The following LAMA3 variants were observed in gnomAD, a reference collection of about 807,000 sequenced individuals.
The protein encoded by LAMA3 is laminin subunit alpha 3, also known as laminin subunit alpha-3.
LAMA3 carries 281 observed loss-of-function variants against 402.0 expected under a neutral mutation model. The observed-to-expected ratio is 0.70, with a 90% confidence interval of 0.63 to 0.77. LAMA3 has a LOEUF of 0.77. Among genes scored for constraint, LAMA3 ranks in the 30% least tolerant of loss-of-function variants. The pLI, the probability that LAMA3 is intolerant of heterozygous loss-of-function variation, is 0.00. For synonymous variants in LAMA3, 1,431 were observed against 1,558.4 expected (o/e 0.92, Z 1.93); for missense variants, 3,840 against 4,215.5 (o/e 0.91, Z 2.47).
intron 72 of LAMA3, among the ~76,000 whole-genome samples, chr18:23,951,069 A>T (rs536340049): frequency 4.5e-4 from 69 of 152,360 alleles, no homozygotes; most frequent in African/African-American, 1.6e-3. Context: ...TTATTTATAA[A>T]CACACTTATT....
At chr18:23,928,805 T>A (rs370195587) in intron 64 of LAMA3, 40 bp downstream of exon 64, 1 of 1,582,058 alleles carries the variant, frequency 6.3e-7, no homozygotes, top group Admixed American at 1.7e-5. Flanking sequence ...GATTTAAACC[T>A]GACTCAAAGT....
At position 23,712,379 on chromosome 18, in the gene LAMA3, C is replaced by CAA. The variant is rs71163637; in HGVS notation, c.295-1524_295-1523dup. On this transcript the variant is annotated intron_variant, in intron 1 of 74. Transcript: ENST00000313654. ...GGGCAACAAGAGTAAAACTCCGTCT[C>CAA]AAAAAAAAAAAAAAAAAAGTTATTC... is the stretch of plus-strand genomic sequence containing the variant. Among the ~76,000 whole-genome samples, 37 of 103,676 alleles carry CAA rather than the reference C, an allele frequency of 3.6e-4. No individual in the cohort carries two copies. In the East Asian group the frequency reaches 5.7e-3, roughly 16 times the overall value. 68.0% of individuals were successfully genotyped at this position (103,676 alleles called of 152,430 possible). A position where few individuals can be genotyped will look rare whatever the true frequency, so the allele number is the denominator to read the frequency against.
intron 7 of LAMA3, among the ~76,000 whole-genome samples, chr18:23,760,823 T>C (rs2061952026): frequency 6.6e-6 from 1 of 152,210 alleles, no homozygotes; most frequent in African/African-American, 2.4e-5. Flanking sequence ...ACCAGCAGAT[T>C]CGGTGTCTGG....
intron 1 of LAMA3, 50 bp downstream of exon 1, chr18:23,690,027 C>G: frequency 7.6e-7 from 1 of 1,313,672 alleles, no homozygotes; most frequent in Non-Finnish European, 1.0e-6. Flanking sequence ...CCTTCCCGCG[C>G]CGGCCAGACA....
At chr18:23,832,228 G>A (rs1598880551) in intron 23 of LAMA3, among the ~76,000 whole-genome samples, 1 of 152,174 alleles carries the variant, frequency 6.6e-6, no homozygotes, top group African/African-American at 2.4e-5. Flanking sequence ...ATGACAGTCA[G>A]GCCCTTGTTT....
intron 38 of LAMA3, chr18:23,872,787 G>T: frequency 2.0e-6 from 1 of 510,412 alleles, no homozygotes; most frequent in Non-Finnish European, 3.6e-6. Flanking sequence ...CTGTGATTTA[G>T]GGCGTCTGCA....
Position 23,813,054 on chromosome 18 carries a change from C to T in LAMA3, c.1742-3C>T. ...AATTTAAAAATTTCTGAATCATATT[C>T]AGGTTCCAGCAGTGCTTGTGACCCA... On this transcript the variant is annotated splice_region_variant and splice_polypyrimidine_tract_variant and intron_variant, in intron 13 of 74. Transcript: ENST00000313654. 3 of 1,600,222 alleles carry T rather than the reference C, an allele frequency of 1.9e-6. No individual in the cohort carries two copies. Among genetic ancestry groups the T allele is most frequent in the Non-Finnish European group, 2.6e-6 (3 of 1,167,528 alleles).
At chr18:23,952,621 A>G (rs1260863159) in intron 73 of LAMA3, among the ~76,000 whole-genome samples, 1 of 152,234 alleles carries the variant, frequency 6.6e-6, no homozygotes, top group Non-Finnish European at 1.5e-5. Flanking sequence ...CAGTGTCTTC[A>G]TAGAAAGTAG....
In LAMA3 at chr18:23,905,971, C is replaced by T. The variant is rs2081236252; in HGVS notation, c.6718+347C>T. Among the ~76,000 whole-genome samples the T allele has an allele frequency of 3.3e-5, 5 of 152,134 alleles. No homozygotes were observed. The South Asian group carries it at 1.0e-3, about 32-fold the overall frequency. On this transcript the variant is annotated intron_variant, in intron 52 of 74. Coordinates refer to ENST00000313654, the MANE Select transcript of LAMA3 (RefSeq NM_198129.4). ...TTAGAGGCAAGGTCTTGCTATGTTTCCCAGGCTGGGCTCAAATTCCTGTCC... is the reference window on the plus strand; with the variant it reads ...TTAGAGGCAAGGTCTTGCTATGTTTTCCAGGCTGGGCTCAAATTCCTGTCC...
intron 65 of LAMA3, among the ~76,000 whole-genome samples, chr18:23,931,911 A>C (rs975631735): frequency 6.6e-6 from 1 of 152,282 alleles, no homozygotes; most frequent in Non-Finnish European, 1.5e-5. Context: ...CTTTCTGTAC[A>C]TGAGGCTCTC....
At position 23,907,560 on chromosome 18, in the gene LAMA3, A is replaced by C. The variant is rs768242240; in HGVS notation, c.6729A>C (p.Pro2243=). The change falls in exon 53 of 75, where the codon CCA becomes CCC. Residue 2243 remains proline, a synonymous_variant. Transcript: ENST00000313654. ...TTTATTTTATTTTAGAAGTCAGTCC[A>C]GCTCTCAACAACCTACAGCAAACCC... ...TQKKLKQEVS[P]ALNNLQQTLN... The C allele has an allele frequency of 6.2e-7, 1 of 1,611,926 alleles. No homozygotes were observed. The highest frequency in any genetic ancestry group is 1.1e-5 in the South Asian group (1 of 91,024).
intron 12 of LAMA3, among the ~76,000 whole-genome samples, chr18:23,802,871 C>T (rs1391281525): frequency 1.3e-5 from 2 of 152,108 alleles, no homozygotes; most frequent in Non-Finnish European, 2.9e-5. Context: ...TTGCCTCAGC[C>T]CCGCAAGGTA....
intron 68 of LAMA3, 133 bp downstream of exon 68, chr18:23,939,519 G>A: frequency 1.0e-6 from 1 of 967,546 alleles, no homozygotes. Context: ...TGTGCAAAGA[G>A]GTGCTGGCCT....
chr18:23,842,896 A>AC (rs892246962), intron 29 of LAMA3, 146 bp downstream of exon 29: 1 of 987,744 alleles, frequency 1.0e-6, no homozygotes, highest in South Asian at 1.4e-5. Context: ...GCTGTCTTTT[A>AC]CCCCCCAATA....
chr18:23,730,916 C>T (rs1391981138), intron 2 of LAMA3, among the ~76,000 whole-genome samples: 2 of 151,976 alleles, frequency 1.3e-5, no homozygotes, highest in African/African-American at 2.4e-5. Context: ...TGCAATTCTG[C>T]GGAAGACTCT....
intron 68 of LAMA3, 105 bp downstream of exon 68, chr18:23,939,491 A>T (rs1457386373): frequency 8.3e-7 from 1 of 1,209,108 alleles, no homozygotes; most frequent in Non-Finnish European, 1.2e-6. Flanking sequence ...TCTCTAATGA[A>T]GGTGGCACTA....
rs2081704829 is a variant in LAMA3, at chr18:23,918,170, T to G, written c.7923+1475T>G. Among the ~76,000 whole-genome samples the G allele has an allele frequency of 6.6e-6, 1 of 152,208 alleles. No homozygotes were observed. Among genetic ancestry groups the G allele is most frequent in the Non-Finnish European group, 1.5e-5 (1 of 68,048 alleles). ...GGAGTCCTTTCCCCATTGCTTGTTT[T>G]TGTTGACTTTGTCGAAGATCAGATG... On this transcript the variant is annotated intron_variant, in intron 60 of 74. Transcript: ENST00000313654. This position sits in a 1 kb window ranked among gnomAD's most constrained non-coding sequence, Gnocchi z 4.1.
rs374152633 is a variant in LAMA3 at position 23,773,588 on chromosome 18, G to A, written c.1273+1G>A. On this transcript the variant is annotated splice_donor_variant, in intron 9 of 74. Coordinates refer to ENST00000313654, the MANE Select transcript of LAMA3 (RefSeq NM_198129.4). LOFTEE classifies it high-confidence loss of function. ...GTGGATGCCCCTGATGGCTGCATCC[G>A]TAAGTTTCATTTCAAGTTGGTGTAT... The A allele has an allele frequency of 6.6e-5, 103 of 1,564,726 alleles. 1 individual carries two copies. In the East Asian group the frequency reaches 9.9e-4, roughly 15 times the overall value.
chr18:23,755,175 G>A (rs1446304447), intron 6 of LAMA3, among the ~76,000 whole-genome samples: 3 of 152,216 alleles, frequency 2.0e-5, no homozygotes, highest in Admixed American at 6.5e-5. Context: ...GGAGAGAAGA[G>A]GTCCAGCTAA....
Sources: allele counts gnomAD v4.1 joint callset (sites outside exome capture counted in the v4.1 genomes callset), GRCh38; gene constraint gnomAD v4.1.1; non-coding constraint Gnocchi (gnomAD v3.1); transcripts MANE v1.5; gene names NCBI Gene and HGNC (gene_info 2026-07-23, HGNC 2026-07-21).